PCDH9: variants seen among roughly 807,000 people sequenced by gnomAD.
PCDH9 encodes the protein protocadherin-9.
A neutral mutation model predicts 70.6 loss-of-function variants in PCDH9; 24 were observed. That is an observed-to-expected ratio of 0.34 (90% CI 0.25 to 0.48). The LOEUF is 0.48. Among genes scored for constraint, PCDH9 ranks in the 20% least tolerant of loss-of-function variants. The probability of loss-of-function intolerance (pLI) is 0.99; values close to 1 mark genes in which losing one functional copy is unlikely to be tolerated. For synonymous variants in PCDH9, 562 were observed against 558.5 expected (o/e 1.01, Z -0.09); for missense variants, 1,281 against 1,503.6 (o/e 0.85, Z 2.45).
intron 3 of PCDH9, among the ~76,000 whole-genome samples, chr13:66,723,494 G>A (rs1335477213): frequency 6.6e-6 from 1 of 152,116 alleles, no homozygotes; most frequent in Non-Finnish European, 1.5e-5. Flanking sequence ...ATTAATGAGA[G>A]TTATTTCAGT....
intron 4 of PCDH9, among the ~76,000 whole-genome samples, chr13:66,445,089 ATAT>A (rs1159488115): frequency 4.1e-5 from 6 of 147,058 alleles, no homozygotes; most frequent in South Asian, 2.1e-4. Flanking sequence ...ATCATATATA[ATAT>A]TATATATAAT....
intron 2 of PCDH9, among the ~76,000 whole-genome samples, chr13:67,058,599 G>A (rs574059728): frequency 1.1e-4 from 16 of 152,186 alleles, no homozygotes; most frequent in African/African-American, 3.9e-4. Context: ...AAATGAGAGC[G>A]AATAGACTTT....
At chr13:66,599,027 A>AT (rs1343845762) in intron 4 of PCDH9, among the ~76,000 whole-genome samples, 4 of 151,684 alleles carry the variant, frequency 2.6e-5, no homozygotes, top group South Asian at 2.1e-4. Context: ...AAATCAAGTA[A>AT]TTTTTTTTAC....
chr13:66,536,369 T>G (rs1205151318), intron 4 of PCDH9, among the ~76,000 whole-genome samples: 1 of 152,110 alleles, frequency 6.6e-6, no homozygotes, highest in Non-Finnish European at 1.5e-5. Flanking sequence ...AACCAGGTAT[T>G]GGCATAATCA....
At chr13:67,079,173 C>T (rs1026468225) in intron 2 of PCDH9, among the ~76,000 whole-genome samples, 2 of 151,798 alleles carry the variant, frequency 1.3e-5, no homozygotes, top group South Asian at 2.1e-4. Context: ...ATACTAAATA[C>T]ACTAAAGAAT....
At position 66,747,020 on chromosome 13, in the gene PCDH9, C is replaced by T. The variant is rs200293632; in HGVS notation, c.3139-115609G>A. Among the ~76,000 whole-genome samples the T allele has an allele frequency of 1.4e-4, 21 of 152,148 alleles. No homozygotes were observed. The South Asian group carries it at 1.9e-3, about 13-fold the overall frequency. On this transcript the variant is annotated intron_variant, in intron 3 of 4. Coordinates refer to ENST00000377865, the MANE Select transcript of PCDH9 (RefSeq NM_203487.3). The stretch of plus-strand genomic sequence containing the variant: ...AACATTTTATTCAAAAAAACTGTAT[C>T]TATAATGGAATAAGATACGACTAAG...
chr13:66,799,277 G>A (rs574985163), intron 3 of PCDH9, among the ~76,000 whole-genome samples: 1 of 151,914 alleles, frequency 6.6e-6, no homozygotes, highest in East Asian at 1.9e-4. Context: ...CAAGTGGTCA[G>A]GAAGGTAAGC....
At chr13:66,710,016 A>G (rs1230700190) in intron 3 of PCDH9, among the ~76,000 whole-genome samples, 1 of 152,140 alleles carries the variant, frequency 6.6e-6, no homozygotes, top group Non-Finnish European at 1.5e-5. Context: ...GTTTTTAGAC[A>G]GTTGAGGGTT....
At chr13:66,924,516 T>G (rs2082686206) in intron 2 of PCDH9, among the ~76,000 whole-genome samples, 1 of 151,670 alleles carries the variant, frequency 6.6e-6, no homozygotes, top group South Asian at 2.1e-4. Context: ...AAAATTAGAT[T>G]CTACCAGTAC....
At chr13:67,004,866 T>TA (rs2084319417) in intron 2 of PCDH9, among the ~76,000 whole-genome samples, 2 of 152,108 alleles carry the variant, frequency 1.3e-5, no homozygotes, top group African/African-American at 4.8e-5. Context: ...CAAATAATAA[T>TA]AAATAAATGC....
intron 2 of PCDH9, among the ~76,000 whole-genome samples, chr13:67,190,781 C>T (rs189880452): frequency 6.6e-6 from 1 of 152,046 alleles, no homozygotes; most frequent in Admixed American, 6.6e-5. Context: ...ATAGCAAAAC[C>T]CTTCTTATCT....
chr13:66,731,738 T>C (rs1297358580), intron 3 of PCDH9, among the ~76,000 whole-genome samples: 1 of 152,116 alleles, frequency 6.6e-6, no homozygotes, highest in Non-Finnish European at 1.5e-5. Flanking sequence ...ATAAATACCA[T>C]ACCTCAAACC....
At chr13:66,543,638 T>G (rs934042641) in intron 4 of PCDH9, among the ~76,000 whole-genome samples, 2 of 151,802 alleles carry the variant, frequency 1.3e-5, no homozygotes, top group African/African-American at 4.8e-5. Flanking sequence ...GTTTGAGAAG[T>G]GAATATTCAC....
chr13:66,938,248 G>C (rs539443791), intron 2 of PCDH9, among the ~76,000 whole-genome samples: 1 of 151,992 alleles, frequency 6.6e-6, no homozygotes, highest in African/African-American at 2.4e-5. Flanking sequence ...GCATCAACAG[G>C]GCTTCTTAAA....
At chr13:66,517,291 C>T (rs1462791266) in intron 4 of PCDH9, among the ~76,000 whole-genome samples, 3 of 152,110 alleles carry the variant, frequency 2.0e-5, no homozygotes, top group Non-Finnish European at 4.4e-5. Flanking sequence ...TTTATTAAAT[C>T]ATTGCAGAGC....
At chr13:66,393,596 T>C (rs954893109) in intron 4 of PCDH9, among the ~76,000 whole-genome samples, 1 of 152,182 alleles carries the variant, frequency 6.6e-6, no homozygotes, top group Non-Finnish European at 1.5e-5. Context: ...TAACATATAA[T>C]TAATGCTGAA....
intron 4 of PCDH9, among the ~76,000 whole-genome samples, chr13:66,363,683 C>T (rs1376266657): frequency 9.2e-5 from 14 of 152,218 alleles, no homozygotes; most frequent in Admixed American, 3.9e-4. Flanking sequence ...CAGAGATAAA[C>T]TTTTACTGAA....
chr13:66,390,629 G>T (rs1266828864), intron 4 of PCDH9, among the ~76,000 whole-genome samples: 1 of 151,928 alleles, frequency 6.6e-6, no homozygotes. Flanking sequence ...TCAGCTACTT[G>T]GGAGGCTGAG....
intron 2 of PCDH9, chr13:67,220,858 T>A (rs747310462): frequency 2.0e-5 from 3 of 152,114 alleles, no homozygotes; most frequent in Non-Finnish European, 4.4e-5. Context: ...GCGTCTTGAA[T>A]TTTATAGCTT....
Sources: gnomAD v4.1 joint callset for allele counts (sites outside exome capture counted in the v4.1 genomes callset) on GRCh38, gnomAD v4.1.1 for gene constraint, MANE v1.5 for transcripts, NCBI Gene and HGNC (gene_info 2026-07-23, HGNC 2026-07-21) for gene names.